The following C12orf42 variants were observed in gnomAD, a reference collection of about 807,000 sequenced individuals.
C12orf42 encodes the protein uncharacterized protein C12orf42.
C12orf42 carries 25 observed loss-of-function variants against 21.6 expected under a neutral mutation model. The ratio of observed to expected loss-of-function variants is 1.16; its 90% CI spans 0.84 to 1.62. The LOEUF (loss-of-function observed/expected upper bound fraction) is 1.62, where lower values mean the gene tolerates loss of function less well. C12orf42 is among the 40% of genes most tolerant of loss of function. The pLI is 0.00. For missense variants in C12orf42, 483 were observed against 459.3 expected (o/e 1.05, Z -0.47); for synonymous variants, 174 against 175.0 (o/e 0.99, Z 0.05).
chr12:103,277,143 T>C (rs1566012762), intron 5 of C12orf42: 1 of 455,832 alleles, frequency 2.2e-6, no homozygotes, highest in East Asian at 7.0e-5. Flanking sequence ...TACCAAACGA[T>C]ACTCACTCTT....
chr12:103,500,183 T>G (rs191848920), upstream of C12orf42, among the ~76,000 whole-genome samples: 199 of 152,324 alleles, frequency 1.3e-3, 1 homozygote, highest in Admixed American at 6.2e-3. Context: ...ATGGTTCATA[T>G]GTCAGAGTAT....
chr12:103,181,590 C>T, the C12orf42 span, among the ~76,000 whole-genome samples: 144 of 152,316 alleles, frequency 9.5e-4, no homozygotes, highest in Middle Eastern at 0.01. Context: ...GGAAGTTAAT[C>T]TGAATCCACT....
the C12orf42 span, among the ~76,000 whole-genome samples, chr12:103,138,958 T>C: frequency 6.6e-6 from 1 of 152,204 alleles, no homozygotes; most frequent in Non-Finnish European, 1.5e-5. Flanking sequence ...AGCACCATCA[T>C]GTATCTGTAT....
At chr12:103,317,765 T>C (rs556796318) in intron 4 of C12orf42, among the ~76,000 whole-genome samples, 34 of 152,340 alleles carry the variant, frequency 2.2e-4, no homozygotes, top group South Asian at 6.2e-4. Context: ...TGAAACACTA[T>C]GTTACCACAT....
chr12:103,394,788 T>C (rs2047376976), intron 3 of C12orf42, among the ~76,000 whole-genome samples: 1 of 152,040 alleles, frequency 6.6e-6, no homozygotes, highest in South Asian at 2.1e-4. Flanking sequence ...GCCTGATAAC[T>C]GAGACCAACT....
chr12:103,047,766 C>A, the C12orf42 span, among the ~76,000 whole-genome samples: 1 of 152,144 alleles, frequency 6.6e-6, no homozygotes, highest in Non-Finnish European at 1.5e-5. Flanking sequence ...TGGGCTGGCT[C>A]ATCTAGAATG....
chr12:103,516,093 A>T, the C12orf42 span, among the ~76,000 whole-genome samples: 1 of 152,216 alleles, frequency 6.6e-6, no homozygotes, highest in Non-Finnish European at 1.5e-5. Context: ...CAAAATCATG[A>T]TGGGGATCTG....
chr12:103,265,988 A>G (rs921307900), downstream of C12orf42, among the ~76,000 whole-genome samples: 1 of 152,058 alleles, frequency 6.6e-6, no homozygotes, highest in Non-Finnish European at 1.5e-5. Flanking sequence ...TCACAGCATA[A>G]TCTACCCCTG....
chr12:103,373,977 C>G (rs1279343887), intron 3 of C12orf42, among the ~76,000 whole-genome samples: 1 of 152,134 alleles, frequency 6.6e-6, no homozygotes, highest in Admixed American at 6.6e-5. Context: ...AATCATGGCT[C>G]TTAATCTCTT....
At chr12:103,303,952 GATGT>G in intron 5 of C12orf42, among the ~76,000 whole-genome samples, 1 of 152,182 alleles carries the variant, frequency 6.6e-6, no homozygotes. Context: ...AGAGAACATT[GATGT>G]AGCTTTGGAG....
At chr12:103,490,594 C>T (rs1418817362) in intron 1 of C12orf42, among the ~76,000 whole-genome samples, 1 of 151,956 alleles carries the variant, frequency 6.6e-6, no homozygotes, top group Admixed American at 6.6e-5. Flanking sequence ...TTCTGTTTTA[C>T]ATCTTATTTA....
At chr12:103,470,730 A>G (rs536624082) in intron 2 of C12orf42, among the ~76,000 whole-genome samples, 1 of 152,152 alleles carries the variant, frequency 6.6e-6, no homozygotes, top group Non-Finnish European at 1.5e-5. Context: ...CCAACCTGTG[A>G]GAAGCACCAA....
the C12orf42 span, among the ~76,000 whole-genome samples, chr12:103,514,798 T>C: frequency 6.6e-6 from 1 of 152,258 alleles, no homozygotes; most frequent in South Asian, 2.1e-4. Context: ...AAGTCTGCCA[T>C]ATGAATTAAA....
At chr12:103,226,853 C>A in the C12orf42 span, among the ~76,000 whole-genome samples, 2 of 152,144 alleles carry the variant, frequency 1.3e-5, no homozygotes, top group South Asian at 2.1e-4. Flanking sequence ...AGGTTTGGGA[C>A]GAGTTGCACT....
At chr12:103,132,848 T>A in the C12orf42 span, among the ~76,000 whole-genome samples, 1 of 152,264 alleles carries the variant, frequency 6.6e-6, no homozygotes, top group South Asian at 2.1e-4. Flanking sequence ...CCCCGAAACG[T>A]CTGGCATAAG....
At chr12:103,194,265 G>A in the C12orf42 span, among the ~76,000 whole-genome samples, 2 of 152,032 alleles carry the variant, frequency 1.3e-5, no homozygotes, top group African/African-American at 4.8e-5. Context: ...TCAAAACAAG[G>A]CAAAGATGCC....
intron 3 of C12orf42, among the ~76,000 whole-genome samples, chr12:103,388,374 C>T (rs1380717334): frequency 1.3e-5 from 2 of 152,188 alleles, no homozygotes; most frequent in Admixed American, 6.5e-5. Flanking sequence ...ATTCCTACAC[C>T]CCACTCTGCA....
At chr12:103,478,848 T>C (rs1360627512) in intron 1 of C12orf42, among the ~76,000 whole-genome samples, 1 of 152,134 alleles carries the variant, frequency 6.6e-6, no homozygotes, top group South Asian at 2.1e-4. Flanking sequence ...AGTATAGACA[T>C]GCAATTTAAT....
At chr12:103,077,030 T>C in the C12orf42 span, among the ~76,000 whole-genome samples, 1 of 152,190 alleles carries the variant, frequency 6.6e-6, no homozygotes, top group Non-Finnish European at 1.5e-5. Flanking sequence ...AAAAATAAAA[T>C]TGTACCTGTA....
Sources: gnomAD v4.1 joint callset for allele counts (sites outside exome capture counted in the v4.1 genomes callset) on GRCh38, gnomAD v4.1.1 for gene constraint, MANE v1.5 for transcripts, NCBI Gene and HGNC (gene_info 2026-07-23, HGNC 2026-07-21) for gene names.